PRKCA: variants seen among roughly 807,000 people sequenced by gnomAD.
The protein encoded by PRKCA is protein kinase C alpha.
PRKCA carries 27 observed loss-of-function variants against 87.0 expected under a neutral mutation model. The ratio of observed to expected loss-of-function variants is 0.31; its 90% CI spans 0.23 to 0.43. The LOEUF (loss-of-function observed/expected upper bound fraction) is 0.43. PRKCA is among the 20% of genes least tolerant of loss of function. The pLI, the probability that PRKCA is intolerant of heterozygous loss-of-function variation, is 1.00. For synonymous variants in PRKCA, 329 were observed against 311.1 expected (o/e 1.06, Z -0.61); for missense variants, 518 against 852.3 (o/e 0.61, Z 4.88).
intron 3 of PRKCA, among the ~76,000 whole-genome samples, chr17:66,503,945 TA>T (rs1213412296): frequency 6.6e-6 from 1 of 152,186 alleles, no homozygotes; most frequent in Non-Finnish European, 1.5e-5. Context: ...ACTGACACGG[TA>T]AAGTTAGATT....
Position 66,360,243 on chromosome 17 carries a change from T to C in PRKCA, c.205+54116T>C, listed in dbSNP as rs560155767. On this transcript the variant is annotated intron_variant, in intron 2 of 16. Transcript: ENST00000413366. ...ACAGCTGAAGAGTTTGGCTAAACCA[T>C]GGGACCCTTTCACATTGGCTGAGGG... Among the ~76,000 whole-genome samples, 4 of 152,264 alleles carry C rather than the reference T, an allele frequency of 2.6e-5. 1 individual carries two copies. The South Asian group carries it at 8.3e-4, about 32-fold the overall frequency.
intron 3 of PRKCA, among the ~76,000 whole-genome samples, chr17:66,592,340 T>G (rs1969832909): frequency 7.4e-5 from 2 of 27,092 alleles, no homozygotes; most frequent in Admixed American, 4.2e-4. Flanking sequence ...GGGTGATCCG[T>G]CTCAAAAAAA....
At chr17:66,367,413 A>G (rs1475456115) in intron 2 of PRKCA, among the ~76,000 whole-genome samples, 1 of 152,252 alleles carries the variant, frequency 6.6e-6, no homozygotes, top group Non-Finnish European at 1.5e-5. Context: ...GTTAAATAGA[A>G]GTGACAGAGG....
At chr17:66,389,644 T>C (rs992057335) in intron 2 of PRKCA, among the ~76,000 whole-genome samples, 1 of 152,204 alleles carries the variant, frequency 6.6e-6, no homozygotes, top group African/African-American at 2.4e-5. Context: ...GGGTCTGGCA[T>C]GCCCATCGTG....
chr17:66,637,641 A>G (rs778354514), intron 3 of PRKCA, among the ~76,000 whole-genome samples: 48 of 151,850 alleles, frequency 3.2e-4, no homozygotes, highest in Admixed American at 5.2e-4. Context: ...GATATCATTA[A>G]TCATCTACAC....
chr17:66,646,706 A>G (rs1971467098), intron 5 of PRKCA, among the ~76,000 whole-genome samples: 1 of 152,210 alleles, frequency 6.6e-6, no homozygotes, highest in Non-Finnish European at 1.5e-5. Context: ...ACCTTTGGAA[A>G]CATCCTCAGG....
intron 2 of PRKCA, among the ~76,000 whole-genome samples, chr17:66,370,962 G>A (rs577395205): frequency 2.0e-5 from 3 of 152,322 alleles, no homozygotes; most frequent in African/African-American, 7.2e-5. Flanking sequence ...AGGCTGGTTT[G>A]TAAGAGGGCA....
At chr17:66,334,203 T>A (rs939858542) in intron 2 of PRKCA, among the ~76,000 whole-genome samples, 1 of 152,200 alleles carries the variant, frequency 6.6e-6, no homozygotes, top group African/African-American at 2.4e-5. Flanking sequence ...TGAGCTGAGA[T>A]TGTGCCACTG....
chr17:66,541,674 T>C (rs765129494), intron 3 of PRKCA, among the ~76,000 whole-genome samples: 13 of 152,210 alleles, frequency 8.5e-5, no homozygotes, highest in Non-Finnish European at 1.6e-4. Context: ...TTGCCTGCCA[T>C]ACACAAGCCA....
chr17:66,626,701 T>C (rs1014127994), intron 3 of PRKCA, among the ~76,000 whole-genome samples: 5 of 152,140 alleles, frequency 3.3e-5, no homozygotes, highest in East Asian at 3.9e-4. Flanking sequence ...AGACAGGGTT[T>C]TTGCCATGTT....
chr17:66,797,712 C>T (rs1445461461), intron 16 of PRKCA, among the ~76,000 whole-genome samples: 1 of 152,202 alleles, frequency 6.6e-6, no homozygotes, highest in African/African-American at 2.4e-5. Context: ...CTCTGTGTCC[C>T]CACTTTCCCT....
At chr17:66,479,893 T>C (rs1915702570) in intron 2 of PRKCA, among the ~76,000 whole-genome samples, 1 of 151,400 alleles carries the variant, frequency 6.6e-6, no homozygotes, top group Admixed American at 6.6e-5. Context: ...TCAGGAAAAA[T>C]AACTCAAGGG....
rs190213967 is a variant in PRKCA at position 66,387,366 on chromosome 17, C to T, written c.205+81239C>T. Among the ~76,000 whole-genome samples the T allele has an allele frequency of 5.8e-4, 89 of 152,274 alleles. 1 individual carries two copies. Among genetic ancestry groups the T allele is most frequent in the Admixed American group, 3.7e-3 (56 of 15,294 alleles). On this transcript the variant is annotated intron_variant, in intron 2 of 16. Coordinates refer to ENST00000413366, the MANE Select transcript of PRKCA (RefSeq NM_002737.3). ...CAGATCACCTCTAACACCTGGCCAT[C>T]CCCAGTGCAAAGGAAAACTAGGAGA... is the stretch of plus-strand genomic sequence containing the variant.
At chr17:66,632,362 G>A (rs1157054550) in intron 3 of PRKCA, among the ~76,000 whole-genome samples, 1 of 151,900 alleles carries the variant, frequency 6.6e-6, no homozygotes. Flanking sequence ...AGAGGAGGGG[G>A]CTTTTTGTTT....
At chr17:66,637,791 A>T (rs1284093391) in intron 3 of PRKCA, among the ~76,000 whole-genome samples, 1 of 152,048 alleles carries the variant, frequency 6.6e-6, no homozygotes, top group Non-Finnish European at 1.5e-5. Flanking sequence ...TCAAACACAG[A>T]CTGTGAGGCC....
At chr17:66,737,605 T>C (rs1307453010) in intron 10 of PRKCA, among the ~76,000 whole-genome samples, 2 of 152,242 alleles carry the variant, frequency 1.3e-5, no homozygotes, top group African/African-American at 4.8e-5. Flanking sequence ...AATCTCAAAA[T>C]GGCTTTGCAG....
chr17:66,551,187 T>G (rs2143217346), intron 3 of PRKCA, among the ~76,000 whole-genome samples: 1 of 152,302 alleles, frequency 6.6e-6, no homozygotes, highest in Middle Eastern at 3.4e-3. Flanking sequence ...CTTAGCCCTG[T>G]GAGTAGCTGG....
At chr17:66,527,465 C>G (rs952781597) in intron 3 of PRKCA, among the ~76,000 whole-genome samples, 20 of 152,164 alleles carry the variant, frequency 1.3e-4, no homozygotes, top group Non-Finnish European at 2.8e-4. Context: ...TTTTGTGGCT[C>G]TGCGGGTCAT....
At chr17:66,352,558 G>GTTTTTTTTTT (rs56317931) in intron 2 of PRKCA, among the ~76,000 whole-genome samples, 21 of 83,754 alleles carry the variant, frequency 2.5e-4, no homozygotes, top group East Asian at 4.4e-4. Context: ...GTTTTTTGAG[G>GTTTTTTTTTT]TTTTTTTTTT....
Sources: allele counts gnomAD v4.1 joint callset (sites outside exome capture counted in the v4.1 genomes callset), GRCh38; gene constraint gnomAD v4.1.1; transcripts MANE v1.5; gene names NCBI Gene and HGNC (gene_info 2026-07-23, HGNC 2026-07-21).